AMOTL1: variants seen among roughly 807,000 people sequenced by gnomAD.
AMOTL1 encodes angiomotin-like protein 1.
AMOTL1 carries 45 observed loss-of-function variants against 102.9 expected under a neutral mutation model. The ratio of observed to expected loss-of-function variants is 0.44; its 90% CI spans 0.34 to 0.56. The LOEUF is 0.56. Ranked by LOEUF, AMOTL1 falls within the 20% of genes least tolerant of loss-of-function variation. The pLI, the probability that AMOTL1 is intolerant of heterozygous loss-of-function variation, is 0.01. For missense variants in AMOTL1, 1,114 were observed against 1,225.6 expected (o/e 0.91, Z 1.36); for synonymous variants, 481 against 484.7 (o/e 0.99, Z 0.10).
At chr11:94,774,108 C>G (rs923288042) in intron 1 of AMOTL1, among the ~76,000 whole-genome samples, 1 of 152,186 alleles carries the variant, frequency 6.6e-6, no homozygotes, top group African/African-American at 2.4e-5. Flanking sequence ...ATTATTATTA[C>G]TAAAACAGCA....
chr11:94,773,857 A>C (rs1266705043), intron 1 of AMOTL1, among the ~76,000 whole-genome samples: 1 of 152,246 alleles, frequency 6.6e-6, no homozygotes, highest in Non-Finnish European at 1.5e-5. Flanking sequence ...ATGAAGTTGA[A>C]TAGATTAAGA....
At chr11:94,719,226 T>G (rs1950139983) in intron 1 of AMOTL1, among the ~76,000 whole-genome samples, 1 of 152,142 alleles carries the variant, frequency 6.6e-6, no homozygotes, top group Non-Finnish European at 1.5e-5. Context: ...AATAATTTAT[T>G]TATTCCAGTA....
chr11:94,710,704 T>C (rs893951217), intron 1 of AMOTL1, among the ~76,000 whole-genome samples: 4 of 152,316 alleles, frequency 2.6e-5, no homozygotes, highest in African/African-American at 7.2e-5. Context: ...TAAATACTTA[T>C]ATCACACTGA....
chr11:94,810,395 C>G (rs544979953), intron 3 of AMOTL1, among the ~76,000 whole-genome samples: 9 of 150,978 alleles, frequency 6.0e-5, no homozygotes, highest in African/African-American at 1.7e-4. Context: ...TTTCATAGTG[C>G]ACTTTTTTTC....
At chr11:94,768,982 C>T (rs1034040795) in intron 1 of AMOTL1, among the ~76,000 whole-genome samples, 6 of 152,124 alleles carry the variant, frequency 3.9e-5, no homozygotes, top group African/African-American at 1.4e-4. Context: ...GACAAAGGCG[C>T]GCGCACCGGC....
chr11:94,871,542 GA>G lies in AMOTL1; in HGVS notation c.*749del, dbSNP rs1374391619. On this transcript the variant is annotated 3_prime_UTR_variant, in exon 13 of 13. Coordinates refer to ENST00000433060, the MANE Select transcript of AMOTL1 (RefSeq NM_130847.3). ...TTTTTCTTTTTAATAAGACATAGCA[GA>G]ATTCCTTAGGTATGGGATTTATGAG... The G allele has an allele frequency of 6.6e-6, 1 of 152,050 alleles. No homozygotes were observed. The highest frequency in any genetic ancestry group is 1.5e-5 in the Non-Finnish European group (1 of 68,020). The allele number at this position is 152,050 out of a possible 1,614,324, so 9.4% of individuals were successfully genotyped here.
At chr11:94,787,252 A>C (rs1428851446) in intron 1 of AMOTL1, among the ~76,000 whole-genome samples, 2 of 152,108 alleles carry the variant, frequency 1.3e-5, no homozygotes, top group Non-Finnish European at 2.9e-5. Context: ...GTATGTGCCA[A>C]AGTAAAAGTT....
intron 1 of AMOTL1, among the ~76,000 whole-genome samples, chr11:94,793,659 C>T (rs543996290): frequency 2.0e-5 from 3 of 152,288 alleles, no homozygotes; most frequent in Admixed American, 6.5e-5. Context: ...GATTTATAGA[C>T]GTAGAGGATG....
chr11:94,816,931 C>T (rs998921231), intron 3 of AMOTL1, among the ~76,000 whole-genome samples: 1 of 152,134 alleles, frequency 6.6e-6, no homozygotes, highest in Non-Finnish European at 1.5e-5. Context: ...TTCAGTTTCT[C>T]TATAAAGTAA....
At chr11:94,833,411 C>A (rs1343971701) in intron 6 of AMOTL1, among the ~76,000 whole-genome samples, 1 of 152,112 alleles carries the variant, frequency 6.6e-6, no homozygotes, top group Non-Finnish European at 1.5e-5. Context: ...TGTAAGAATT[C>A]TTTTATTAAG....
At chr11:94,818,486 G>A (rs538939484) in intron 3 of AMOTL1, among the ~76,000 whole-genome samples, 4 of 152,250 alleles carry the variant, frequency 2.6e-5, no homozygotes, top group African/African-American at 7.2e-5. Context: ...CAGCCTATAT[G>A]GCAAATAATT....
intron 6 of AMOTL1, among the ~76,000 whole-genome samples, chr11:94,838,391 A>G (rs1952226778): frequency 6.6e-6 from 1 of 152,246 alleles, no homozygotes; most frequent in Non-Finnish European, 1.5e-5. Flanking sequence ...GTTTTAGGCC[A>G]CAAGTCAGCA....
intron 3 of AMOTL1, among the ~76,000 whole-genome samples, chr11:94,755,415 C>A (rs1950710287): frequency 6.6e-6 from 1 of 152,202 alleles, no homozygotes; most frequent in Non-Finnish European, 1.5e-5. Flanking sequence ...CATCACTCAG[C>A]CTCTGCTAGA....
chr11:94,793,566 C>G (rs901302874), intron 1 of AMOTL1, among the ~76,000 whole-genome samples: 2 of 152,232 alleles, frequency 1.3e-5, no homozygotes, highest in Non-Finnish European at 2.9e-5. Context: ...CTGTTTTCCA[C>G]CTGCCTGAAA....
intron 4 of AMOTL1, among the ~76,000 whole-genome samples, chr11:94,826,309 C>A (rs965211028): frequency 2.6e-5 from 4 of 152,052 alleles, no homozygotes; most frequent in African/African-American, 9.7e-5. Flanking sequence ...ATCAAAAAAA[C>A]CCTGCATCTA....
At chr11:94,867,314 C>G (rs552863690) in intron 11 of AMOTL1, among the ~76,000 whole-genome samples, 2 of 152,276 alleles carry the variant, frequency 1.3e-5, no homozygotes, top group African/African-American at 4.8e-5. Flanking sequence ...AAGACTGTCC[C>G]AAGGACATTT....
intron 1 of AMOTL1, among the ~76,000 whole-genome samples, chr11:94,792,831 T>A (rs139096457): frequency 6.6e-6 from 1 of 152,222 alleles, no homozygotes. Flanking sequence ...AAAAGGCATA[T>A]CTTTGGTGTC....
Position 94,799,529 on chromosome 11 carries a change from C to A in AMOTL1, c.339C>A (p.Thr113=), listed in dbSNP as rs777961676. ...AACAACTGCGGTATGGCACCCCAAC[C>A]GAGAACATGAACTTGCTGGCCATTC... ...IQEQLRYGTP[T]ENMNLLAIQH... is the part of the protein sequence containing the mutation. Residue 113 remains threonine, a synonymous_variant, in exon 3 of 13, where the codon ACC becomes ACA. Coordinates refer to ENST00000433060, the MANE Select transcript of AMOTL1 (RefSeq NM_130847.3). This position sits in a 1 kb window ranked among gnomAD's most constrained non-coding sequence, Gnocchi z 4.5. The A allele has an allele frequency of 3.1e-6, 5 of 1,613,526 alleles. No homozygotes were observed. Among genetic ancestry groups the A allele is most frequent in the Non-Finnish European group, 4.2e-6 (5 of 1,179,760 alleles).
At chr11:94,709,775 A>G (rs189030552) in intron 1 of AMOTL1, among the ~76,000 whole-genome samples, 1 of 152,300 alleles carries the variant, frequency 6.6e-6, no homozygotes, top group African/African-American at 2.4e-5. Flanking sequence ...ATAACAATGT[A>G]TATTAACTAA....
Sources: allele counts gnomAD v4.1 joint callset (sites outside exome capture counted in the v4.1 genomes callset), GRCh38; gene constraint gnomAD v4.1.1; non-coding constraint Gnocchi (gnomAD v3.1); transcripts MANE v1.5; gene names NCBI Gene and HGNC (gene_info 2026-07-23, HGNC 2026-07-21).